Variants in ARL5C observed in about 807,000 individuals in gnomAD.
The protein encoded by ARL5C is putative ADP-ribosylation factor-like protein 5C.
Under a neutral mutation model 20.8 loss-of-function variants are expected in ARL5C, and 21 were observed. That is an observed-to-expected ratio of 1.01 (90% CI 0.72 to 1.46). The LOEUF (loss-of-function observed/expected upper bound fraction) is 1.46, where lower values mean the gene tolerates loss of function less well. Ranked by LOEUF, ARL5C falls within the 40% of genes most tolerant of loss-of-function variation. The probability of loss-of-function intolerance (pLI) is 0.00; values close to 1 mark genes in which losing one functional copy is unlikely to be tolerated. For synonymous variants in ARL5C, 71 were observed against 81.6 expected, an observed-to-expected ratio of 0.87 and a Z score of 0.70; for missense variants, 199 against 225.1, an observed-to-expected ratio of 0.88 and a Z score of 0.74.
At chr17:39,163,896 G>C (rs801255) in intron 2 of ARL5C, among the ~76,000 whole-genome samples, 48,685 of 151,188 alleles carry the variant, frequency 0.32, 10,509 homozygotes, top group African/African-American at 0.62. Context: ...TCCAGAGTAG[G>C]TGGGATTACA....
At chr17:39,163,345 C>CCTTTCTTTCTTTCTTTCCTTCTTT (rs2045444080) in intron 2 of ARL5C, among the ~76,000 whole-genome samples, 5 of 136,740 alleles carry the variant, frequency 3.7e-5, no homozygotes, top group Non-Finnish European at 8.0e-5. Flanking sequence ...CAGGCTTTTG[C>CCTTTCTTTCTTTCTTTCCTTCTTT]CTTTCTTTCT....
rs779372712 is a variant in ARL5C at position 39,160,534 on chromosome 17, G to A, written c.491+57C>T. ...GAGAGGCAGGAGAAGGGTTCTGATG[G>A]TCAGTCATCCATTGGTTCAGCCAGG... On this transcript the variant is annotated intron_variant, in intron 5 of 5. Coordinates refer to ENST00000269586, the MANE Select transcript of ARL5C (RefSeq NM_001143968.1). 22 of 1,534,050 alleles carry A rather than the reference G, an allele frequency of 1.4e-5. No individual in the cohort carries two copies. In the South Asian group the frequency reaches 2.4e-4, roughly 17 times the overall value.
intron 4 of ARL5C, among the ~76,000 whole-genome samples, chr17:39,160,972 C>G (rs1245070203): frequency 6.6e-6 from 1 of 152,224 alleles, no homozygotes; most frequent in Non-Finnish European, 1.5e-5. Context: ...ATTGATGATC[C>G]TCCTCATTTT....
intron 5 of ARL5C, among the ~76,000 whole-genome samples, chr17:39,157,959 G>T (rs2045413890): frequency 1.3e-5 from 2 of 150,862 alleles, no homozygotes; most frequent in Admixed American, 1.3e-4. Context: ...TTAACCGGGC[G>T]TGGTGGCTCA....
At position 39,166,104 on chromosome 17, in the gene ARL5C, G is replaced by T; in HGVS notation, c.-344C>A. The T allele has an allele frequency of 3.1e-6, 1 of 321,944 alleles. No individual in the cohort carries two copies. The highest frequency in any genetic ancestry group is 5.9e-6 in the Non-Finnish European group (1 of 168,302). The allele number at this position is 321,944 out of a possible 1,614,324, so 19.9% of individuals were successfully genotyped here. ...CAAATCAGGGGAGACTCAGCACTGC[G>T]CGCGGAACCGGATCCCAGCTCTCCC... On this transcript the variant is annotated 5_prime_UTR_variant, in exon 1 of 6. Coordinates refer to ENST00000269586, the MANE Select transcript of ARL5C (RefSeq NM_001143968.1).
intron 5 of ARL5C, 87 bp downstream of exon 5, chr17:39,160,504 C>A: frequency 6.8e-7 from 1 of 1,478,320 alleles, no homozygotes; most frequent in Admixed American, 2.1e-5. Context: ...CAGATTCTCA[C>A]AGGAGAGAGG....
chr17:39,160,350 T>G, intron 5 of ARL5C: 1 of 439,738 alleles, frequency 2.3e-6, no homozygotes, highest in Non-Finnish European at 4.0e-6. Context: ...GAGAGAGAGA[T>G]TATTGCATTT....
At chr17:39,157,615 G>C (rs2045411737) in intron 5 of ARL5C, among the ~76,000 whole-genome samples, 1 of 150,212 alleles carries the variant, frequency 6.7e-6, no homozygotes, top group African/African-American at 2.5e-5. Flanking sequence ...CATGGAGAAA[G>C]CCCGTCTCTA....
chr17:39,165,204 C>A (rs774772562), intron 1 of ARL5C, 65 bp from the exon 2 acceptor site: 53 of 1,488,178 alleles, frequency 3.6e-5, no homozygotes, highest in Non-Finnish European at 4.9e-5. Context: ...TGTGTGCCCC[C>A]ACCAGACCTC....
chr17:39,162,980 A>G (rs75717602), intron 2 of ARL5C, 122 bp from the exon 3 acceptor site: 53,504 of 1,219,262 alleles, frequency 0.044, 1,391 homozygotes, highest in Middle Eastern at 0.059. Context: ...AGGTTCACCA[A>G]ACACCTGCTC....
chr17:39,165,968 C>G lies in ARL5C; in HGVS notation c.-208G>C. 1 of 597,078 alleles carries G rather than the reference C, an allele frequency of 1.7e-6. No homozygotes were observed. The highest frequency in any genetic ancestry group is 2.0e-5 in the South Asian group (1 of 50,032). The allele number at this position is 597,078 out of a possible 1,614,324, so 37.0% of individuals were successfully genotyped here. ...CTATGGACACCCCAGTGACTAAGGGCTGCCTGTCCCGGGCCCAAGAGGTGC... is the reference window on the plus strand; with the variant it reads ...CTATGGACACCCCAGTGACTAAGGGGTGCCTGTCCCGGGCCCAAGAGGTGC... On this transcript the variant is annotated 5_prime_UTR_variant, in exon 1 of 6. Coordinates refer to ENST00000269586, the MANE Select transcript of ARL5C (RefSeq NM_001143968.1).
chr17:39,160,425 T>C, intron 5 of ARL5C, 166 bp downstream of exon 5: 2 of 712,796 alleles, frequency 2.8e-6, no homozygotes, highest in Non-Finnish European at 4.6e-6. Context: ...TGTCTGCTTG[T>C]GGCTTACCCA....
rs16527 is a variant in ARL5C at position 39,165,827 on chromosome 17, T to C, written c.-67A>G. The C allele has an allele frequency of 0.22, 335,444 of 1,533,824 alleles. 44,077 individuals are homozygous for C. The highest frequency in any genetic ancestry group is 0.63 in the African/African-American group (45,927 of 72,840). On this transcript the variant is annotated 5_prime_UTR_variant, in exon 1 of 6. Coordinates refer to ENST00000269586, the MANE Select transcript of ARL5C (RefSeq NM_001143968.1). Reference sequence around the variant, plus strand: ...CTCAGGAGCGGAGTCGGCCCTGGTATTCGGAGCTCCGCTCCCCCGGGAGGG... The same window carrying C: ...CTCAGGAGCGGAGTCGGCCCTGGTACTCGGAGCTCCGCTCCCCCGGGAGGG...
chr17:39,164,962 C>G (rs916646671), intron 2 of ARL5C, 117 bp downstream of exon 2: 2 of 1,054,084 alleles, frequency 1.9e-6, no homozygotes, highest in African/African-American at 3.2e-5. Context: ...CCCAATCGCT[C>G]CTCCGGACTA....
At chr17:39,163,778 C>T (rs934891592) in intron 2 of ARL5C, among the ~76,000 whole-genome samples, 1 of 150,124 alleles carries the variant, frequency 6.7e-6, no homozygotes, top group Non-Finnish European at 1.5e-5. Flanking sequence ...AATCTCAGCT[C>T]ACTGCAACCT....
At chr17:39,160,274 G>C (rs1372616429) in intron 5 of ARL5C, 2 of 242,892 alleles carry the variant, frequency 8.2e-6, no homozygotes, top group Admixed American at 5.2e-5. Flanking sequence ...AGTGAGCTGA[G>C]GTCATGCCAT....
At chr17:39,158,439 C>T (rs756691412) in intron 5 of ARL5C, among the ~76,000 whole-genome samples, 3 of 152,060 alleles carry the variant, frequency 2.0e-5, no homozygotes, top group Non-Finnish European at 4.4e-5. Flanking sequence ...CGTGGCAAAA[C>T]CTTGTCTCTA....
Position 39,163,370 on chromosome 17 carries a change from C to CTTTCTTTCTTTCTT in ARL5C, c.108-526_108-513dup, listed in dbSNP as rs1555576129. On this transcript the variant is annotated intron_variant, in intron 2 of 5. Transcript: ENST00000269586. ...CCTTTCTTTCTTTCTTTCTTTCTTTCTTTCTTTCTTTCTTTCTTTCTTTCT... is the reference window on the plus strand; with the variant it reads ...CCTTTCTTTCTTTCTTTCTTTCTTTCTTTCTTTCTTTCTTTTTCTTTCTTTCTTTCTTTCTTTCT... Among the ~76,000 whole-genome samples the CTTTCTTTCTTTCTT allele has an allele frequency of 1.1e-4, 14 of 132,058 alleles. No homozygotes were observed. The East Asian group carries it at 2.8e-3, about 26-fold the overall frequency. The allele number at this position is 132,058 out of a possible 152,430, so 86.6% of individuals were successfully genotyped here.
chr17:39,161,375 A>G (rs2045434184), intron 3 of ARL5C, 24 bp from the exon 4 acceptor site: 3 of 1,548,864 alleles, frequency 1.9e-6, no homozygotes, highest in Non-Finnish European at 1.7e-6. Context: ...GGGAGCCGTG[A>G]GAGACAGGCT....
Sources: gnomAD v4.1 joint callset for allele counts (sites outside exome capture counted in the v4.1 genomes callset) on GRCh38, gnomAD v4.1.1 for gene constraint, MANE v1.5 for transcripts, NCBI Gene and HGNC (gene_info 2026-07-23, HGNC 2026-07-21) for gene names.